Variants in ATF6 observed in about 807,000 individuals in gnomAD.
The protein encoded by ATF6 is activating transcription factor 6.
ATF6 carries 53 observed loss-of-function variants against 83.6 expected under a neutral mutation model. That is an observed-to-expected ratio of 0.63 (90% confidence interval 0.51 to 0.80). The LOEUF (loss-of-function observed/expected upper bound fraction) is 0.80. ATF6 is among the 30% of genes least tolerant of loss of function. ATF6 has a pLI of 0.00. For missense variants in ATF6, 744 were observed against 797.9 expected, an observed-to-expected ratio of 0.93 and a Z score of 0.81; for synonymous variants, 288 against 285.8, an observed-to-expected ratio of 1.01 and a Z score of -0.08.
intron 1 of ATF6, among the ~76,000 whole-genome samples, chr1:161,777,339 G>A (rs973338221): frequency 3.3e-5 from 5 of 152,148 alleles, no homozygotes; most frequent in Non-Finnish European, 5.9e-5. Context: ...TTATTACTAC[G>A]TATACATTTT....
At chr1:161,784,119 T>A in intron 4 of ATF6, 23 bp downstream of exon 4, 1 of 1,551,240 alleles carries the variant, frequency 6.4e-7, no homozygotes, top group Non-Finnish European at 8.9e-7. Flanking sequence ...TCTTTTACAA[T>A]GATTTTGGTT....
intron 4 of ATF6, 40 bp from the exon 5 acceptor site, chr1:161,791,368 A>G (rs1252807453): frequency 1.3e-6 from 2 of 1,543,538 alleles, no homozygotes; most frequent in Middle Eastern, 1.8e-4. Context: ...TTGCTGCTTA[A>G]GGATTATACT....
At chr1:161,917,353 G>T (rs1263715472) in intron 15 of ATF6, among the ~76,000 whole-genome samples, 1 of 152,114 alleles carries the variant, frequency 6.6e-6, no homozygotes, top group Non-Finnish European at 1.5e-5. Context: ...CCCAAGTCTA[G>T]ACATGAAATT....
chr1:161,853,942 G>C (rs555158693), intron 12 of ATF6, among the ~76,000 whole-genome samples: 13 of 152,298 alleles, frequency 8.5e-5, no homozygotes, highest in African/African-American at 3.1e-4. Flanking sequence ...CTGAAATAAA[G>C]TAATGGGTAT....
intron 7 of ATF6, among the ~76,000 whole-genome samples, chr1:161,802,533 C>G (rs1017513859): frequency 8.5e-5 from 13 of 152,246 alleles, no homozygotes; most frequent in African/African-American, 3.1e-4. Flanking sequence ...CTTCTTTACT[C>G]CTTCTTTAGA....
intron 6 of ATF6, among the ~76,000 whole-genome samples, chr1:161,795,961 G>A (rs1362835940): frequency 6.6e-6 from 1 of 152,194 alleles, no homozygotes; most frequent in African/African-American, 2.4e-5. Context: ...TAGCTGCTGG[G>A]TAATTTGAGG....
chr1:161,923,023 T>A (rs1688244763), intron 15 of ATF6, among the ~76,000 whole-genome samples: 1 of 152,148 alleles, frequency 6.6e-6, no homozygotes, highest in Admixed American at 6.6e-5. Context: ...CCAGGCTATC[T>A]CCTACCCATC....
At position 161,920,278 on chromosome 1, in the gene ATF6, TTC is replaced by T. The variant is rs1312606651; in HGVS notation, c.1804+7914_1804+7915del. Among the ~76,000 whole-genome samples, 218 of 117,004 alleles carry T rather than the reference TTC, an allele frequency of 1.9e-3. 5 individuals carry two copies. The highest frequency in any genetic ancestry group is 6.8e-3 in the African/African-American group (199 of 29,176). 76.8% of individuals were successfully genotyped at this position (117,004 alleles called of 152,430 possible). A position where few individuals can be genotyped will look rare whatever the true frequency, so the allele number is the denominator to read the frequency against. On this transcript the variant is annotated intron_variant, in intron 15 of 15. Coordinates refer to ENST00000367942, the MANE Select transcript of ATF6 (RefSeq NM_007348.4). ...AAAAAATACATAATCATAGTTCTCT[TTC>T]TCTCTCTCTCTCTCTTTTTTTTTTT...
intron 15 of ATF6, among the ~76,000 whole-genome samples, chr1:161,925,654 T>C (rs924230776): frequency 1.3e-5 from 2 of 152,200 alleles, no homozygotes; most frequent in African/African-American, 4.8e-5. Context: ...CCTTATTTAT[T>C]CAATATTCTT....
chr1:161,778,605 A>G (rs1209499571), intron 2 of ATF6, among the ~76,000 whole-genome samples: 1 of 152,158 alleles, frequency 6.6e-6, no homozygotes, highest in Non-Finnish European at 1.5e-5. Flanking sequence ...ATACTTTGCT[A>G]CATAAGGGAA....
intron 1 of ATF6, among the ~76,000 whole-genome samples, chr1:161,770,484 G>A (rs1684358118): frequency 6.6e-6 from 1 of 152,186 alleles, no homozygotes; most frequent in Non-Finnish European, 1.5e-5. Context: ...TTCCTGGCTT[G>A]CATGCACATG....
intron 9 of ATF6, among the ~76,000 whole-genome samples, chr1:161,837,392 G>A (rs920916122): frequency 1.9e-4 from 29 of 152,312 alleles, no homozygotes; most frequent in African/African-American, 6.3e-4. Context: ...TGAACTGCAG[G>A]TGTGTGCCGT....
At chr1:161,918,106 T>C (rs1355182888) in intron 15 of ATF6, among the ~76,000 whole-genome samples, 2 of 152,186 alleles carry the variant, frequency 1.3e-5, no homozygotes, top group African/African-American at 4.8e-5. Context: ...ATTCCTACAC[T>C]ATAAGGTGGG....
At chr1:161,937,170 C>A (rs956730202) in intron 15 of ATF6, among the ~76,000 whole-genome samples, 4 of 151,680 alleles carry the variant, frequency 2.6e-5, no homozygotes, top group African/African-American at 9.7e-5. Flanking sequence ...AATTATGTCA[C>A]TCCTACTAAA....
intron 4 of ATF6, 146 bp from the exon 5 acceptor site, chr1:161,791,262 T>C (rs1684873539): frequency 2.0e-6 from 1 of 499,212 alleles, no homozygotes; most frequent in South Asian, 3.5e-5. Context: ...CACTTATTAC[T>C]TAATATATAT....
chr1:161,820,682 A>C (rs1685733136), intron 8 of ATF6, among the ~76,000 whole-genome samples: 1 of 152,134 alleles, frequency 6.6e-6, no homozygotes, highest in South Asian at 2.1e-4. Flanking sequence ...TGGGAGGCGG[A>C]GATTGCGGTG....
intron 10 of ATF6, among the ~76,000 whole-genome samples, chr1:161,849,369 G>A (rs1686560391): frequency 6.6e-6 from 1 of 152,146 alleles, no homozygotes; most frequent in South Asian, 2.1e-4. Context: ...AGGGAAGAAT[G>A]TTCTATATAT....
At chr1:161,876,399 T>A (rs78211096) in intron 14 of ATF6, among the ~76,000 whole-genome samples, 1,977 of 152,114 alleles carry the variant, frequency 0.013, 48 homozygotes, top group African/African-American at 0.044. Flanking sequence ...TATCCACAAT[T>A]TTATTAGTCT....
In ATF6 at chr1:161,922,586, G is replaced by A. The variant is rs1688233113; in HGVS notation, c.1804+10206G>A. On this transcript the variant is annotated intron_variant, in intron 15 of 15. Transcript: ENST00000367942. ...TTCATGAAATATGGTGGGAGTCAGG[G>A]GTAGAGAAGACCTTTTTGATTGGGT... 3.9e-5 allele frequency among the ~76,000 whole-genome samples: 6 copies of A among 152,100 alleles called. No individual in the cohort carries two copies. In the South Asian group the frequency reaches 1.0e-3, roughly 26 times the overall value.
Sources: gnomAD v4.1 joint callset for allele counts (sites outside exome capture counted in the v4.1 genomes callset) on GRCh38, gnomAD v4.1.1 for gene constraint, MANE v1.5 for transcripts, NCBI Gene and HGNC (gene_info 2026-07-23, HGNC 2026-07-21) for gene names.